The following TPCN2 variants were observed in gnomAD, a reference collection of about 807,000 sequenced individuals.
TPCN2 encodes the protein two pore segment channel 2.
In TPCN2, 92 loss-of-function variants were observed where a neutral mutation model predicts 111.4. The ratio of observed to expected loss-of-function variants is 0.83; its 90% CI spans 0.70 to 0.98. The LOEUF is 0.98. Ranked by LOEUF, TPCN2 falls within the 50% of genes least tolerant of loss-of-function variation. TPCN2 has a pLI of 0.00. For synonymous variants in TPCN2, 405 were observed against 414.5 expected, an observed-to-expected ratio of 0.98 and a Z score of 0.28; for missense variants, 995 against 980.1, an observed-to-expected ratio of 1.02 and a Z score of -0.20.
In TPCN2 at chr11:69,057,656, GT is replaced by G. The variant is rs1565080860; in HGVS notation, c.509del (p.Val170GlyfsTer7). On this transcript the variant is annotated frameshift_variant, in exon 5 of 25. Transcript: ENST00000294309. LOFTEE classifies it high-confidence loss of function. ...GYLVVLVVSL[V>X]DWTVSLSLVC... is the part of the protein sequence containing the mutation. ...CCTCGTGGTGCTGGTGGTGTCTCTG[GT>G]GGACTGGACCGTGTCCCTGAGTCTC... is the stretch of plus-strand genomic sequence containing the variant. The G allele has an allele frequency of 9.3e-6, 15 of 1,614,244 alleles. No individual in the cohort carries two copies. Among genetic ancestry groups the G allele is most frequent in the Non-Finnish European group, 1.2e-5 (14 of 1,180,034 alleles).
At chr11:69,063,015 G>A (rs769806857) in intron 6 of TPCN2, 25 bp downstream of exon 6, 30 of 1,606,158 alleles carry the variant, frequency 1.9e-5, no homozygotes, top group Admixed American at 6.7e-5. Context: ...CTCTGGGCTC[G>A]CAGGGTTGGG....
intron 5 of TPCN2, among the ~76,000 whole-genome samples, chr11:69,058,648 G>A (rs1854881200): frequency 1.3e-5 from 2 of 152,216 alleles, no homozygotes; most frequent in Non-Finnish European, 2.9e-5. Context: ...AGGAGAGCTG[G>A]AATGGGCGGC....
chr11:69,078,365 G>T, intron 13 of TPCN2, 117 bp from the exon 14 acceptor site: 1 of 1,299,660 alleles, frequency 7.7e-7, no homozygotes. Flanking sequence ...GGATAGATAG[G>T]ACGGGAGATG....
intron 16 of TPCN2, chr11:69,079,524 C>G: frequency 3.0e-6 from 1 of 333,670 alleles, no homozygotes; most frequent in Non-Finnish European, 5.5e-6. Flanking sequence ...AGCCAGCAGG[C>G]CCCTCGGCAC....
At chr11:69,063,530 T>G (rs1272861413) in intron 6 of TPCN2, among the ~76,000 whole-genome samples, 1 of 152,058 alleles carries the variant, frequency 6.6e-6, no homozygotes, top group East Asian at 1.9e-4. Flanking sequence ...CTCTTGCCAG[T>G]GGCAGCGTTG....
At chr11:69,057,778 C>A in intron 5 of TPCN2, 84 bp downstream of exon 5, 2 of 1,293,626 alleles carry the variant, frequency 1.5e-6, no homozygotes, top group Non-Finnish European at 2.2e-6. Context: ...TGGGATGGAG[C>A]CCTGAGCCCG....
Position 69,079,882 on chromosome 11 carries a change from T to G in TPCN2, c.1588T>G (p.Trp530Gly). ...LAVYRLPHPG[W>G]RPEMVGLLSL... ...TGTGTACCGATTGCCACACCCAGGC[T>G]GGTATGTGACTGGGCAGAACCGAGG... The change falls in exon 17 of 25, where the codon TGG (tryptophan) becomes GGG (glycine). Residue 530 changes from tryptophan (W) to glycine (G), a missense_variant and splice_region_variant. Transcript: ENST00000294309. The G allele has an allele frequency of 6.2e-7, 1 of 1,613,708 alleles. No individual in the cohort carries two copies. Among genetic ancestry groups the G allele is most frequent in the African/African-American group, 1.3e-5 (1 of 75,058 alleles).
intron 5 of TPCN2, among the ~76,000 whole-genome samples, chr11:69,060,932 C>G (rs1457324630): frequency 1.3e-5 from 2 of 152,236 alleles, no homozygotes; most frequent in Non-Finnish European, 1.5e-5. Flanking sequence ...CCACTGTTCT[C>G]TTGGCCTTCT....
At chr11:69,050,470 T>C (rs1861172113) in intron 1 of TPCN2, among the ~76,000 whole-genome samples, 1 of 152,196 alleles carries the variant, frequency 6.6e-6, no homozygotes, top group South Asian at 2.1e-4. Flanking sequence ...CTACCTCTGC[T>C]GGGTTGAAGC....
chr11:69,067,667 TG>T (rs1044474598), intron 8 of TPCN2, 62 bp downstream of exon 8: 3 of 1,531,434 alleles, frequency 2.0e-6, no homozygotes, highest in Non-Finnish European at 2.7e-6. Flanking sequence ...GGGGCCGGTT[TG>T]GGCTGCTGAG....
At chr11:69,078,852 C>T (rs2134618951) in intron 15 of TPCN2, 40 bp from the exon 16 acceptor site, 1 of 1,614,022 alleles carries the variant, frequency 6.2e-7, no homozygotes, top group East Asian at 2.2e-5. Flanking sequence ...TGCTGGCAGC[C>T]CTGGGGCCCA....
intron 1 of TPCN2, among the ~76,000 whole-genome samples, chr11:69,050,264 TTGA>T (rs925602745): frequency 6.6e-6 from 1 of 152,228 alleles, no homozygotes; most frequent in Non-Finnish European, 1.5e-5. Flanking sequence ...GGCAGGCCCC[TTGA>T]TGAGACGCCC....
At chr11:69,051,041 A>G (rs1392799907) in intron 1 of TPCN2, among the ~76,000 whole-genome samples, 1 of 152,176 alleles carries the variant, frequency 6.6e-6, no homozygotes, top group Non-Finnish European at 1.5e-5. Flanking sequence ...GAGACTCCGA[A>G]AGGCTCATTC....
intron 7 of TPCN2, among the ~76,000 whole-genome samples, chr11:69,064,343 G>T (rs1270412525): frequency 1.3e-5 from 2 of 148,732 alleles, no homozygotes; most frequent in African/African-American, 2.5e-5. Context: ...ACTGAGGGTG[G>T]GTCCTCTGGT....
At chr11:69,083,627 G>C (rs570667325) in intron 18 of TPCN2, among the ~76,000 whole-genome samples, 4 of 152,374 alleles carry the variant, frequency 2.6e-5, no homozygotes, top group East Asian at 3.9e-4. Context: ...CTTGAATGAG[G>C]CTGGGGTGGA....
Position 69,085,719 on chromosome 11 carries a change from G to A in TPCN2, c.1887G>A (p.Leu629=), listed in dbSNP as rs1463172048. The change falls in exon 21 of 25, where the codon CTG becomes CTA. Residue 629 remains leucine (L), a synonymous_variant. Coordinates refer to ENST00000294309, the MANE Select transcript of TPCN2 (RefSeq NM_139075.4). ...CGCCCTGTGGGAGCTTCGAGCAGCT[G>A]GAGTACTGGGCCAACAACTTCGATG... is the stretch of plus-strand genomic sequence containing the variant. ...GSAPCGSFEQ[L]EYWANNFDDF... 2 of 1,613,988 alleles carry A rather than the reference G, an allele frequency of 1.2e-6. No individual in the cohort carries two copies. The highest frequency in any genetic ancestry group is 2.7e-5 in the African/African-American group (2 of 74,924).
At chr11:69,078,367 C>T (rs117372464) in intron 13 of TPCN2, 115 bp from the exon 14 acceptor site, 18 of 1,318,120 alleles carry the variant, frequency 1.4e-5, no homozygotes, top group Admixed American at 4.5e-5. Flanking sequence ...ATAGATAGGA[C>T]GGGAGATGGG....
chr11:69,055,477 G>C, intron 4 of TPCN2, 125 bp downstream of exon 4: 2 of 1,012,854 alleles, frequency 2.0e-6, no homozygotes, highest in Non-Finnish European at 1.4e-6. Flanking sequence ...ACTTTGACCC[G>C]GTGAGCAAGG....
rs1855318401 is a variant in TPCN2 at position 69,067,384 on chromosome 11, C to T, written c.727-119C>T. 6 of 889,032 alleles carry T rather than the reference C, an allele frequency of 6.7e-6. No homozygotes were observed. The South Asian group carries it at 8.9e-5, about 13-fold the overall frequency. 55.1% of individuals were successfully genotyped at this position (889,032 alleles called of 1,614,324 possible). ...ATGAGCTCAGCCTGCTGGGAGGCCACAGGGAGATGCAGGCTGGGCGGCGGG... is the reference window on the plus strand; with the variant it reads ...ATGAGCTCAGCCTGCTGGGAGGCCATAGGGAGATGCAGGCTGGGCGGCGGG... On this transcript the variant is annotated intron_variant, in intron 7 of 24. Coordinates refer to ENST00000294309, the MANE Select transcript of TPCN2 (RefSeq NM_139075.4).
Sources: gnomAD v4.1 joint callset for allele counts (sites outside exome capture counted in the v4.1 genomes callset) on GRCh38, gnomAD v4.1.1 for gene constraint, MANE v1.5 for transcripts, NCBI Gene and HGNC (gene_info 2026-07-23, HGNC 2026-07-21) for gene names.